The following CTNNA1 variants were observed in gnomAD, a reference collection of about 807,000 sequenced individuals.
The protein encoded by CTNNA1 is catenin alpha 1.
CTNNA1 carries 37 observed loss-of-function variants against 98.4 expected under a neutral mutation model. The ratio of observed to expected loss-of-function variants is 0.38; its 90% CI spans 0.29 to 0.49. The LOEUF (loss-of-function observed/expected upper bound fraction) is 0.49. Ranked by LOEUF, CTNNA1 falls within the 20% of genes least tolerant of loss-of-function variation. The probability of loss-of-function intolerance (pLI) is 0.95; values close to 1 mark genes in which losing one functional copy is unlikely to be tolerated. For synonymous variants in CTNNA1, 404 were observed against 413.2 expected, an observed-to-expected ratio of 0.98 and a Z score of 0.27; for missense variants, 761 against 1,147.2, an observed-to-expected ratio of 0.66 and a Z score of 4.86.
At chr5:138,776,429 T>TC (rs1327583889) in intron 1 of CTNNA1, among the ~76,000 whole-genome samples, 1 of 152,182 alleles carries the variant, frequency 6.6e-6, no homozygotes, top group Admixed American at 6.5e-5. Context: ...ATGAAAAGTC[T>TC]CCCGTGTCTG....
At chr5:138,884,186 G>T (rs1176500730) in intron 7 of CTNNA1, among the ~76,000 whole-genome samples, 1 of 152,192 alleles carries the variant, frequency 6.6e-6, no homozygotes, top group Non-Finnish European at 1.5e-5. Flanking sequence ...AAGGGTTGGT[G>T]GGGGGCTTCC....
intron 7 of CTNNA1, among the ~76,000 whole-genome samples, chr5:138,847,594 G>A (rs1193556434): frequency 6.6e-6 from 1 of 152,194 alleles, no homozygotes; most frequent in Non-Finnish European, 1.5e-5. Context: ...GAAACCTGAT[G>A]GTGGGATTTC....
At chr5:138,803,712 T>C (rs771471415) in intron 3 of CTNNA1, among the ~76,000 whole-genome samples, 3 of 152,224 alleles carry the variant, frequency 2.0e-5, no homozygotes, top group Non-Finnish European at 2.9e-5. Context: ...TGGTATTTTT[T>C]CAAGGAGGCC....
At chr5:138,860,487 G>GTTTT (rs200115739) in intron 7 of CTNNA1, among the ~76,000 whole-genome samples, 2 of 123,960 alleles carry the variant, frequency 1.6e-5, no homozygotes, top group Non-Finnish European at 3.4e-5. Context: ...GCAGGGTTTG[G>GTTTT]TTTTTTTTGT....
intron 5 of CTNNA1, among the ~76,000 whole-genome samples, chr5:138,821,132 T>C (rs1053874971): frequency 1.3e-5 from 2 of 152,250 alleles, no homozygotes; most frequent in Non-Finnish European, 2.9e-5. Context: ...TCTAATTAAG[T>C]GTGGCTGGAA....
At chr5:138,879,326 T>C (rs1210693623) in intron 7 of CTNNA1, among the ~76,000 whole-genome samples, 1 of 151,958 alleles carries the variant, frequency 6.6e-6, no homozygotes, top group Non-Finnish European at 1.5e-5. Flanking sequence ...AGTAAGTGGG[T>C]TTTACTAGCT....
chr5:138,810,839 G>T (rs1158859058), intron 4 of CTNNA1, among the ~76,000 whole-genome samples: 1 of 152,096 alleles, frequency 6.6e-6, no homozygotes, highest in African/African-American at 2.4e-5. Context: ...CCGGGCAGAG[G>T]GGCTCCTCAC....
In CTNNA1 at chr5:138,846,013, G is replaced by A. The variant is rs148141658; in HGVS notation, c.1062+18295G>A. Among the ~76,000 whole-genome samples the A allele has an allele frequency of 2.9e-3, 443 of 152,080 alleles. 3 individuals are homozygous for A. Among genetic ancestry groups the A allele is most frequent in the African/African-American group, 0.01 (415 of 41,494 alleles). ...GCGATCACGGCTCACTGCAACCTCC[G>A]CCCCCTAGGTTCAAGCGATTCTCCT... is the stretch of plus-strand genomic sequence containing the variant. On this transcript the variant is annotated intron_variant, in intron 7 of 17. Coordinates refer to ENST00000302763, the MANE Select transcript of CTNNA1 (RefSeq NM_001903.5).
intron 3 of CTNNA1, among the ~76,000 whole-genome samples, chr5:138,805,209 A>G (rs1273111114): frequency 6.6e-6 from 1 of 152,146 alleles, no homozygotes; most frequent in East Asian, 1.9e-4. Context: ...ACCAGGCCCC[A>G]CCTCCAACAT....
At chr5:138,815,723 G>A (rs1442671938) in intron 5 of CTNNA1, among the ~76,000 whole-genome samples, 2 of 151,504 alleles carry the variant, frequency 1.3e-5, no homozygotes, top group South Asian at 2.1e-4. Flanking sequence ...ATACGTATTC[G>A]CATTTTCTTG....
chr5:138,882,128 A>G (rs1753037107), intron 7 of CTNNA1, among the ~76,000 whole-genome samples: 2 of 152,194 alleles, frequency 1.3e-5, no homozygotes, highest in Admixed American at 1.3e-4. Context: ...TAGTTATCCT[A>G]AGGTATGATT....
chr5:138,782,888 GTC>G (rs995938040), intron 2 of CTNNA1, among the ~76,000 whole-genome samples: 9 of 152,266 alleles, frequency 5.9e-5, no homozygotes, highest in African/African-American at 1.7e-4. Flanking sequence ...CATCTAACTT[GTC>G]TCTAATCATT....
intron 7 of CTNNA1, chr5:138,869,759 GT>G (rs1471857940): frequency 6.6e-6 from 1 of 152,604 alleles, no homozygotes; most frequent in Non-Finnish European, 1.5e-5. Context: ...GGGAAGTTCA[GT>G]CAATTCCATT....
At chr5:138,926,655 G>T (rs753970307) in intron 13 of CTNNA1, among the ~76,000 whole-genome samples, 1 of 152,064 alleles carries the variant, frequency 6.6e-6, no homozygotes, top group Non-Finnish European at 1.5e-5. Context: ...TTTGTACTAG[G>T]ATCCCAGCTT....
At chr5:138,872,054 G>GTGTA (rs1750706765) in intron 7 of CTNNA1, 1 of 138,840 alleles carries the variant, frequency 7.2e-6, no homozygotes, top group Non-Finnish European at 1.6e-5. Flanking sequence ...GTGTGTGTGT[G>GTGTA]TGTGTGTGTG....
intron 6 of CTNNA1, among the ~76,000 whole-genome samples, chr5:138,825,280 A>G (rs1452022016): frequency 6.6e-6 from 1 of 152,178 alleles, no homozygotes; most frequent in Admixed American, 6.5e-5. Context: ...CTAAATTGGA[A>G]TAATGAACAG....
At chr5:138,889,914 T>G (rs1024568706) in intron 9 of CTNNA1, among the ~76,000 whole-genome samples, 1 of 152,218 alleles carries the variant, frequency 6.6e-6, no homozygotes, top group African/African-American at 2.4e-5. Context: ...TCCTGACTTA[T>G]GGCAGAATTT....
At chr5:138,924,873 C>T (rs1252328017) in intron 12 of CTNNA1, among the ~76,000 whole-genome samples, 163 bp downstream of exon 12, 1 of 152,178 alleles carries the variant, frequency 6.6e-6, no homozygotes, top group Non-Finnish European at 1.5e-5. Context: ...CAAATTCAGG[C>T]CTCACAAGCA....
At chr5:138,864,618 A>T (rs573200406) in intron 7 of CTNNA1, among the ~76,000 whole-genome samples, 5 of 152,186 alleles carry the variant, frequency 3.3e-5, no homozygotes, top group Non-Finnish European at 7.4e-5. Context: ...ATCCTCCCAT[A>T]GTTAGCTTAG....
Sources: allele counts gnomAD v4.1 joint callset (sites outside exome capture counted in the v4.1 genomes callset), GRCh38; gene constraint gnomAD v4.1.1; transcripts MANE v1.5; gene names NCBI Gene and HGNC (gene_info 2026-07-23, HGNC 2026-07-21).